Variants in CCDC171 observed in about 807,000 individuals in gnomAD.
The protein encoded by CCDC171 is coiled-coil domain containing 171, also known as coiled-coil domain-containing protein 171.
CCDC171 carries 177 observed loss-of-function variants against 168.2 expected under a neutral mutation model. The observed-to-expected ratio is 1.05, with a 90% CI of 0.93 to 1.19. CCDC171 has a LOEUF of 1.19. Ranked by LOEUF, CCDC171 falls within the 50% of genes most tolerant of loss-of-function variation. The pLI is 0.00. For synonymous variants in CCDC171, 687 were observed against 540.8 expected, an observed-to-expected ratio of 1.27 and a Z score of -3.75; for missense variants, 1,991 against 1,539.0, an observed-to-expected ratio of 1.29 and a Z score of -4.91.
chr9:16,065,628 G>T (rs553414969), downstream of CCDC171, among the ~76,000 whole-genome samples: 4 of 152,236 alleles, frequency 2.6e-5, no homozygotes, highest in South Asian at 6.2e-4. Flanking sequence ...ATTAGACCAG[G>T]TATTTGTCTT....
intron 14 of CCDC171, among the ~76,000 whole-genome samples, chr9:15,725,914 T>C (rs1296890464): frequency 6.6e-6 from 1 of 152,242 alleles, no homozygotes; most frequent in Non-Finnish European, 1.5e-5. Context: ...TTTATGTTTA[T>C]TAATGACTTA....
intron 16 of CCDC171, among the ~76,000 whole-genome samples, chr9:15,736,363 T>G (rs1051115162): frequency 6.6e-6 from 1 of 152,146 alleles, no homozygotes; most frequent in African/African-American, 2.4e-5. Context: ...ATTCCTTTTT[T>G]TTTTGGAGCT....
In CCDC171 at chr9:15,988,345, C is replaced by T. The variant is rs1186382053; in HGVS notation, n.369-32244C>T. Among the ~76,000 whole-genome samples, 4 of 152,278 alleles carry T rather than the reference C, an allele frequency of 2.6e-5. No individual in the cohort carries two copies. The East Asian group carries it at 7.7e-4, about 29-fold the overall frequency. ...AAGTGAGTCCTCAAGGGATGACTAG[C>T]CATTATGCTGCACGACTTTTTAAAA... is the stretch of plus-strand genomic sequence containing the variant. On this transcript the variant is annotated intron_variant and non_coding_transcript_variant, in intron 3 of 9. Transcript: ENST00000486641.
chr9:15,723,690 T>C lies in CCDC171; in HGVS notation c.1435T>C (p.Cys479Arg), dbSNP rs749573363. The C allele has an allele frequency of 3.8e-6, 6 of 1,593,832 alleles. No individual in the cohort carries two copies. Among genetic ancestry groups the C allele is most frequent in the Non-Finnish European group, 5.1e-6 (6 of 1,168,000 alleles). Reference protein sequence around the residue: ...LEDASNEEKACNELDSTKQKI... With the variant: ...LEDASNEEKARNELDSTKQKI... Reference sequence around the variant, plus strand: ...CATGAATGATGTTAAGGAAAAGGCATGTAATGAACTTGATTCTACGAAACA... The same window carrying C: ...CATGAATGATGTTAAGGAAAAGGCACGTAATGAACTTGATTCTACGAAACA... Residue 479 changes from cysteine (C) to arginine (R), a missense_variant, in exon 13 of 26, where the codon TGT becomes CGT. By Grantham distance (180) the Cys-to-Arg change is radical. Coordinates refer to ENST00000380701, the MANE Select transcript of CCDC171 (RefSeq NM_173550.4).
chr9:15,842,582 G>GT (rs879568690), intron 21 of CCDC171, among the ~76,000 whole-genome samples: 38 of 151,564 alleles, frequency 2.5e-4, no homozygotes, highest in African/African-American at 6.5e-4. Flanking sequence ...TTTTGATAAG[G>GT]TTTTTTTTCT....
downstream of CCDC171, among the ~76,000 whole-genome samples, chr9:15,977,709 C>T (rs1390249049): frequency 3.9e-5 from 6 of 152,088 alleles, no homozygotes; most frequent in South Asian, 6.2e-4. Flanking sequence ...TGTTGTGCGG[C>T]TATAGGAAAC....
At chr9:15,675,366 A>T (rs1232010346) in intron 9 of CCDC171, among the ~76,000 whole-genome samples, 1 of 151,880 alleles carries the variant, frequency 6.6e-6, no homozygotes, top group Non-Finnish European at 1.5e-5. Flanking sequence ...CATTTAGCCC[A>T]TTTACATTTA....
intron 22 of CCDC171, among the ~76,000 whole-genome samples, chr9:15,847,430 G>C (rs2060946106): frequency 6.6e-6 from 1 of 152,020 alleles, no homozygotes; most frequent in South Asian, 2.1e-4. Flanking sequence ...TGTGATGAAA[G>C]TGTTTTTCCT....
At chr9:15,858,099 C>T (rs887685826) in intron 23 of CCDC171, among the ~76,000 whole-genome samples, 1 of 151,908 alleles carries the variant, frequency 6.6e-6, no homozygotes, top group Admixed American at 6.6e-5. Flanking sequence ...CTCACTGTAG[C>T]CTTCCCCTCC....
intron 7 of CCDC171, 50 bp downstream of exon 7, chr9:15,623,463 A>ACGCGCGCGCACGCG (rs144676393): frequency 3.2e-6 from 2 of 633,912 alleles, no homozygotes; most frequent in Admixed American, 2.9e-5. Context: ...ACTTTCACAT[A>ACGCGCGCGCACGCG]TGCGCGCGCG....
At chr9:15,847,508 G>A (rs1406174965) in intron 22 of CCDC171, among the ~76,000 whole-genome samples, 1 of 151,904 alleles carries the variant, frequency 6.6e-6, no homozygotes, top group Non-Finnish European at 1.5e-5. Flanking sequence ...GTTCTCTTGG[G>A]CATTTTTATT....
chr9:15,695,205 C>G (rs767887827), intron 10 of CCDC171, 30 bp from the exon 11 acceptor site: 19 of 1,462,942 alleles, frequency 1.3e-5, no homozygotes, highest in Non-Finnish European at 1.7e-5. Flanking sequence ...AATACGTGAC[C>G]TTATGTGTAA....
intron 21 of CCDC171, among the ~76,000 whole-genome samples, chr9:15,793,833 G>C (rs1033488977): frequency 8.6e-5 from 13 of 152,008 alleles, no homozygotes; most frequent in African/African-American, 2.7e-4. Context: ...TGATGTGACA[G>C]ATATATTAAT....
intron 2 of CCDC171, among the ~76,000 whole-genome samples, chr9:15,568,294 G>A (rs951085751): frequency 9.3e-5 from 13 of 139,876 alleles, no homozygotes; most frequent in East Asian, 4.1e-4. Flanking sequence ...TTTTTGAGGC[G>A]GAGTCTTGCT....
intron 21 of CCDC171, among the ~76,000 whole-genome samples, chr9:15,815,067 C>A (rs986139843): frequency 6.6e-6 from 1 of 152,148 alleles, no homozygotes; most frequent in African/African-American, 2.4e-5. Context: ...CAGTAAGAGT[C>A]CCAGATGGTT....
chr9:15,920,744 G>A (rs188864327), intron 25 of CCDC171, among the ~76,000 whole-genome samples: 1 of 151,748 alleles, frequency 6.6e-6, no homozygotes, highest in Non-Finnish European at 1.5e-5. Flanking sequence ...TGAAGATTCA[G>A]TGTGTCCCAT....
At chr9:16,020,074 C>G (rs187426541) in intron 3 of CCDC171, among the ~76,000 whole-genome samples, 1 of 152,152 alleles carries the variant, frequency 6.6e-6, no homozygotes, top group Non-Finnish European at 1.5e-5. Flanking sequence ...GGCTGAGCAT[C>G]CTTAATCTGC....
downstream of CCDC171, among the ~76,000 whole-genome samples, chr9:16,066,167 C>G (rs1436350925): frequency 1.3e-5 from 2 of 152,168 alleles, no homozygotes; most frequent in Non-Finnish European, 2.9e-5. Flanking sequence ...AGACTAACCT[C>G]TTCTCGGTCA....
chr9:15,634,086 TA>T (rs1195762080), intron 7 of CCDC171, among the ~76,000 whole-genome samples: 13 of 152,206 alleles, frequency 8.5e-5, no homozygotes, highest in Admixed American at 7.9e-4. Flanking sequence ...AATGATGAGT[TA>T]ATGGGTGCAG....
Sources: gnomAD v4.1 joint callset for allele counts (sites outside exome capture counted in the v4.1 genomes callset) on GRCh38, gnomAD v4.1.1 for gene constraint, MANE v1.5 for transcripts, NCBI Gene and HGNC (gene_info 2026-07-23, HGNC 2026-07-21) for gene names.